Variants in ADGRB3 observed in about 807,000 individuals in gnomAD.
The protein encoded by ADGRB3 is brain-specific angiogenesis inhibitor 3.
A neutral mutation model predicts 193.4 loss-of-function variants in ADGRB3; 37 were observed. The ratio of observed to expected loss-of-function variants is 0.19; its 90% CI spans 0.15 to 0.25. The LOEUF (loss-of-function observed/expected upper bound fraction) is 0.25. ADGRB3 is among the 10% of genes least tolerant of loss of function. The pLI, the probability that ADGRB3 is intolerant of heterozygous loss-of-function variation, is 1.00. For missense variants in ADGRB3, 1,637 were observed against 1,852.9 expected (o/e 0.88, Z 2.14); for synonymous variants, 690 against 644.2 (o/e 1.07, Z -1.08).
intron 3 of ADGRB3, among the ~76,000 whole-genome samples, chr6:68,685,601 G>A (rs1764967969): frequency 6.6e-6 from 1 of 151,876 alleles, no homozygotes; most frequent in Non-Finnish European, 1.5e-5. Context: ...AAAAGTCTGT[G>A]GAAGAAAGGG....
At chr6:69,296,198 G>A (rs1345117993) in intron 20 of ADGRB3, among the ~76,000 whole-genome samples, 5 of 152,064 alleles carry the variant, frequency 3.3e-5, no homozygotes, top group African/African-American at 1.2e-4. Flanking sequence ...AGTGAGATAG[G>A]CTTATTATTG....
chr6:68,703,653 C>A (rs1003310265), intron 3 of ADGRB3, among the ~76,000 whole-genome samples: 1 of 152,236 alleles, frequency 6.6e-6, no homozygotes. Context: ...GACAGAGTCT[C>A]GCTCTGTTGC....
chr6:69,315,584 A>T (rs569659044), intron 20 of ADGRB3, among the ~76,000 whole-genome samples: 1 of 151,578 alleles, frequency 6.6e-6, no homozygotes, highest in African/African-American at 2.4e-5. Context: ...ATATGCAGTT[A>T]TTAGTGCAGC....
At chr6:68,708,800 T>C (rs1450833079) in intron 3 of ADGRB3, among the ~76,000 whole-genome samples, 3 of 152,216 alleles carry the variant, frequency 2.0e-5, no homozygotes, top group Non-Finnish European at 1.5e-5. Context: ...ATTAAGTGAA[T>C]ATTTCATACT....
chr6:68,639,480 G>C, intron 3 of ADGRB3, 48 bp downstream of exon 3: 1 of 1,510,892 alleles, frequency 6.6e-7, no homozygotes, highest in Non-Finnish European at 8.8e-7. Flanking sequence ...ACTTTTGGGG[G>C]ATGGAGTTAA....
chr6:69,028,479 G>A (rs1375618621), intron 13 of ADGRB3, among the ~76,000 whole-genome samples: 2 of 152,028 alleles, frequency 1.3e-5, no homozygotes, highest in African/African-American at 4.8e-5. Flanking sequence ...TAGTCTCATA[G>A]TTATAACCCT....
chr6:68,999,489 C>A (rs1769501195), intron 11 of ADGRB3, among the ~76,000 whole-genome samples: 1 of 152,102 alleles, frequency 6.6e-6, no homozygotes, highest in Non-Finnish European at 1.5e-5. Context: ...TGGTCTCCAT[C>A]TCCTGACCTC....
At chr6:69,031,776 A>G (rs1770717349) in intron 13 of ADGRB3, among the ~76,000 whole-genome samples, 1 of 151,644 alleles carries the variant, frequency 6.6e-6, no homozygotes, top group Admixed American at 6.6e-5. Context: ...CTGGGACTAC[A>G]GTCATGCGCC....
At chr6:69,114,009 C>A (rs567308380) in intron 17 of ADGRB3, among the ~76,000 whole-genome samples, 20 of 152,192 alleles carry the variant, frequency 1.3e-4, no homozygotes, top group African/African-American at 4.8e-4. Flanking sequence ...AGTTTTGGTG[C>A]CCAGGACAAT....
chr6:68,657,811 C>A (rs947331151), intron 3 of ADGRB3, among the ~76,000 whole-genome samples: 1 of 151,276 alleles, frequency 6.6e-6, no homozygotes. Context: ...CAGGTAATAT[C>A]AGCCTAATAT....
intron 3 of ADGRB3, among the ~76,000 whole-genome samples, chr6:68,824,163 C>T (rs1767798471): frequency 6.6e-6 from 1 of 151,962 alleles, no homozygotes; most frequent in Non-Finnish European, 1.5e-5. Context: ...TATTTTATGA[C>T]CATGAAACTT....
chr6:69,325,942 G>A (rs1027888046), intron 21 of ADGRB3, among the ~76,000 whole-genome samples: 9 of 152,276 alleles, frequency 5.9e-5, no homozygotes, highest in Admixed American at 1.3e-4. Context: ...GGTGGCTCAC[G>A]CCTGTAATCC....
At chr6:69,092,129 C>T (rs1772727640) in intron 17 of ADGRB3, among the ~76,000 whole-genome samples, 1 of 152,184 alleles carries the variant, frequency 6.6e-6, no homozygotes, top group African/African-American at 2.4e-5. Flanking sequence ...AGCAAAGATT[C>T]TCCAGTATCT....
intron 3 of ADGRB3, among the ~76,000 whole-genome samples, chr6:68,777,508 T>A (rs1766770474): frequency 6.6e-6 from 1 of 151,982 alleles, no homozygotes; most frequent in Non-Finnish European, 1.5e-5. Flanking sequence ...ATAACCAGAA[T>A]GATCAGGGAT....
intron 17 of ADGRB3, among the ~76,000 whole-genome samples, chr6:69,120,999 C>CTTTTTTTTTTTTTTTTTTTTTT (rs36095516): frequency 1.6e-5 from 2 of 123,566 alleles, no homozygotes; most frequent in Non-Finnish European, 3.3e-5. Flanking sequence ...ATGCAGTTAT[C>CTTTTTTTTTTTTTTTTTTTTTT]TTTTTTTTTT....
intron 15 of ADGRB3, among the ~76,000 whole-genome samples, chr6:69,060,220 TTCTCTCTCTCTCTC>T (rs556453350): frequency 7.7e-6 from 1 of 129,552 alleles, no homozygotes; most frequent in Non-Finnish European, 1.6e-5. Context: ...CTCTCTCTCT[TTCTCTCTCTCTCTC>T]TCTCTCTCTC....
chr6:68,749,408 A>ATATATGTGTGTGTGTG (rs540892508), intron 3 of ADGRB3, among the ~76,000 whole-genome samples: 1 of 136,490 alleles, frequency 7.3e-6, no homozygotes, highest in African/African-American at 2.8e-5. Context: ...ATATATATAT[A>ATATATGTGTGTGTGTG]TGTGTGTGTG....
At chr6:68,646,449 C>A (rs1200794249) in intron 3 of ADGRB3, among the ~76,000 whole-genome samples, 1 of 148,034 alleles carries the variant, frequency 6.8e-6, no homozygotes, top group Non-Finnish European at 1.5e-5. Flanking sequence ...TGCACTCCAG[C>A]CTGGCCAACA....
At chr6:68,859,258 C>T (rs571388733) in intron 3 of ADGRB3, among the ~76,000 whole-genome samples, 39 of 152,324 alleles carry the variant, frequency 2.6e-4, no homozygotes, top group African/African-American at 8.9e-4. Context: ...TTGTCCATAT[C>T]ACTATCAGCA....
Sources: gnomAD v4.1 joint callset for allele counts (sites outside exome capture counted in the v4.1 genomes callset) on GRCh38, gnomAD v4.1.1 for gene constraint, MANE v1.5 for transcripts, NCBI Gene and HGNC (gene_info 2026-07-23, HGNC 2026-07-21) for gene names.